Variants in CCDC91 observed in about 807,000 individuals in gnomAD.
The protein encoded by CCDC91 is coiled-coil domain-containing protein 91.
CCDC91 carries 48 observed loss-of-function variants against 63.2 expected under a neutral mutation model. The ratio of observed to expected loss-of-function variants is 0.76; its 90% CI spans 0.60 to 0.97. The LOEUF is 0.97. CCDC91 is among the 50% of genes least tolerant of loss of function. CCDC91 has a pLI of 0.00. For synonymous variants in CCDC91, 167 were observed against 165.8 expected (o/e 1.01, Z -0.06); for missense variants, 500 against 494.6 (o/e 1.01, Z -0.10).
chr12:28,206,875 C>T (rs1007477954), intron 1 of CCDC91, among the ~76,000 whole-genome samples: 1 of 152,134 alleles, frequency 6.6e-6, no homozygotes, highest in African/African-American at 2.4e-5. Context: ...GGAAAAAGGA[C>T]CTAACAAATG....
At chr12:28,375,598 A>G (rs1339250803) in intron 7 of CCDC91, among the ~76,000 whole-genome samples, 1 of 151,922 alleles carries the variant, frequency 6.6e-6, no homozygotes, top group Non-Finnish European at 1.5e-5. Context: ...AAATTTTCCC[A>G]TGTTTACTTA....
At chr12:28,422,130 A>G (rs1948052219) in intron 8 of CCDC91, among the ~76,000 whole-genome samples, 1 of 152,124 alleles carries the variant, frequency 6.6e-6, no homozygotes, top group African/African-American at 2.4e-5. Flanking sequence ...TAAATCATTG[A>G]TTTATTTATA....
At chr12:28,380,231 A>T (rs1296414392) in intron 7 of CCDC91, among the ~76,000 whole-genome samples, 1 of 152,084 alleles carries the variant, frequency 6.6e-6, no homozygotes, top group East Asian at 1.9e-4. Flanking sequence ...GTAACTGACG[A>T]GTTGATGGGT....
chr12:28,418,321 G>A (rs1302620211), intron 8 of CCDC91, among the ~76,000 whole-genome samples: 2 of 152,042 alleles, frequency 1.3e-5, no homozygotes, highest in African/African-American at 2.4e-5. Flanking sequence ...AATTGCTAAA[G>A]CTAGATAAAA....
intron 11 of CCDC91, among the ~76,000 whole-genome samples, chr12:28,471,792 C>T (rs1365735433): frequency 6.6e-6 from 1 of 150,650 alleles, no homozygotes; most frequent in Non-Finnish European, 1.5e-5. Flanking sequence ...ATCTGTCACC[C>T]AGACTGGAGT....
At chr12:28,497,265 T>C (rs1952354161) in intron 12 of CCDC91, among the ~76,000 whole-genome samples, 2 of 151,602 alleles carry the variant, frequency 1.3e-5, no homozygotes, top group South Asian at 4.2e-4. Context: ...CTGTTATCCA[T>C]GGCCTCTGCT....
At chr12:28,468,694 A>G (rs1229142551) in intron 11 of CCDC91, among the ~76,000 whole-genome samples, 2 of 152,060 alleles carry the variant, frequency 1.3e-5, no homozygotes, top group East Asian at 3.8e-4. Context: ...TCCTAAACAA[A>G]ATATTAGCAA....
rs530996123 is a variant in CCDC91 at position 28,194,269 on chromosome 12, G to C, written c.-15+3628G>C. ...TCTCTCTCTCTCTTTCTCTCTCTGTGTGTGTGTGTATGGATGCCCCAGTCT... is the reference window on the plus strand; with the variant it reads ...TCTCTCTCTCTCTTTCTCTCTCTGTCTGTGTGTGTATGGATGCCCCAGTCT... On this transcript the variant is annotated intron_variant, in intron 1 of 12. Coordinates refer to ENST00000536442, the MANE Select transcript of CCDC91 (RefSeq NM_018318.5). Among the ~76,000 whole-genome samples the C allele has an allele frequency of 1.6e-3, 247 of 152,200 alleles. 2 individuals carry two copies. Among genetic ancestry groups the C allele is most frequent in the African/African-American group, 5.2e-3 (216 of 41,526 alleles).
intron 1 of CCDC91, among the ~76,000 whole-genome samples, chr12:28,218,839 A>G (rs1943744020): frequency 6.6e-6 from 1 of 152,104 alleles, no homozygotes; most frequent in African/African-American, 2.4e-5. Context: ...ATTGCTGAGT[A>G]ACATTGTATG....
intron 12 of CCDC91, among the ~76,000 whole-genome samples, chr12:28,546,588 C>T (rs1943004027): frequency 6.6e-6 from 1 of 152,006 alleles, no homozygotes; most frequent in African/African-American, 2.4e-5. Flanking sequence ...CACGTGTATA[C>T]AGAGGTCTGT....
intron 11 of CCDC91, among the ~76,000 whole-genome samples, chr12:28,481,652 G>T (rs1271946309): frequency 2.0e-5 from 3 of 151,956 alleles, no homozygotes; most frequent in South Asian, 2.1e-4. Flanking sequence ...TGATTAGAAA[G>T]TAGAAGGCTT....
chr12:28,412,444 G>A (rs1947373684), intron 8 of CCDC91, among the ~76,000 whole-genome samples: 1 of 152,148 alleles, frequency 6.6e-6, no homozygotes, highest in Non-Finnish European at 1.5e-5. Context: ...ATTTAGAAAG[G>A]CAAGGTATCC....
chr12:28,365,293 A>G (rs1944201895), intron 7 of CCDC91, among the ~76,000 whole-genome samples: 1 of 152,190 alleles, frequency 6.6e-6, no homozygotes, highest in Admixed American at 6.5e-5. Context: ...TATGATTTTA[A>G]CCTCCTTAGT....
intron 12 of CCDC91, among the ~76,000 whole-genome samples, chr12:28,542,984 G>T (rs1942736582): frequency 1.3e-5 from 2 of 151,994 alleles, no homozygotes; most frequent in South Asian, 4.1e-4. Context: ...TCACAATTCT[G>T]TAGGCCAGAA....
intron 7 of CCDC91, among the ~76,000 whole-genome samples, chr12:28,363,829 A>G (rs1159487258): frequency 7.2e-6 from 1 of 139,624 alleles, no homozygotes; most frequent in African/African-American, 2.6e-5. Context: ...GTGAGCCGAG[A>G]TTGCGCCACT....
At chr12:28,244,181 T>C (rs1368523887) in intron 1 of CCDC91, among the ~76,000 whole-genome samples, 2 of 152,152 alleles carry the variant, frequency 1.3e-5, no homozygotes, top group Non-Finnish European at 2.9e-5. Flanking sequence ...ATAATTAAAA[T>C]AGATACAGAA....
At chr12:28,451,333 A>G (rs949416150) in intron 10 of CCDC91, among the ~76,000 whole-genome samples, 5 of 151,680 alleles carry the variant, frequency 3.3e-5, no homozygotes, top group African/African-American at 1.2e-4. Flanking sequence ...AAGGAAAGAA[A>G]TAGACAAATT....
At chr12:28,363,877 A>G (rs1336831753) in intron 7 of CCDC91, among the ~76,000 whole-genome samples, 3 of 85,922 alleles carry the variant, frequency 3.5e-5, no homozygotes, top group African/African-American at 1.0e-4. Flanking sequence ...GCTCCATCTG[A>G]AAAAAAAAAA....
chr12:28,211,138 T>C (rs1042410203), intron 1 of CCDC91, among the ~76,000 whole-genome samples: 15 of 150,140 alleles, frequency 1.0e-4, no homozygotes, highest in African/African-American at 3.4e-4. Flanking sequence ...GAATTCTTTT[T>C]TGTGTTAATT....
Sources: gnomAD v4.1 joint callset for allele counts (sites outside exome capture counted in the v4.1 genomes callset) on GRCh38, gnomAD v4.1.1 for gene constraint, MANE v1.5 for transcripts, NCBI Gene and HGNC (gene_info 2026-07-23, HGNC 2026-07-21) for gene names.